Variants in DTD1 observed in about 807,000 individuals in gnomAD.
The protein encoded by DTD1 is D-aminoacyl-tRNA deacylase 1.
DTD1 carries 13 observed loss-of-function variants against 25.6 expected under a neutral mutation model. The observed-to-expected ratio is 0.51, with a 90% CI of 0.33 to 0.81. The LOEUF (loss-of-function observed/expected upper bound fraction) is 0.81. Ranked by LOEUF, DTD1 falls within the 30% of genes least tolerant of loss-of-function variation. DTD1 has a pLI of 0.02. For missense variants in DTD1, 193 were observed against 266.4 expected (o/e 0.72, Z 1.92); for synonymous variants, 110 against 103.6 (o/e 1.06, Z -0.37).
chr20:18,676,288 C>A (rs901107355), intron 4 of DTD1, among the ~76,000 whole-genome samples: 1 of 152,116 alleles, frequency 6.6e-6, no homozygotes, highest in Non-Finnish European at 1.5e-5. Context: ...TGCAGGTGCC[C>A]CTTCCCCACC....
chr20:18,753,522 C>T (rs924591761), intron 5 of DTD1, among the ~76,000 whole-genome samples: 4 of 145,072 alleles, frequency 2.8e-5, no homozygotes, highest in Non-Finnish European at 4.5e-5. Context: ...ACAGGAGAAT[C>T]GCTTGAACCA....
intron 4 of DTD1, among the ~76,000 whole-genome samples, chr20:18,714,121 G>T (rs1309401489): frequency 6.6e-6 from 1 of 152,200 alleles, no homozygotes. Flanking sequence ...TAGAGTCAAA[G>T]GAAAGGCAGG....
intron 4 of DTD1, among the ~76,000 whole-genome samples, chr20:18,696,665 C>T (rs1393645012): frequency 6.6e-6 from 1 of 152,018 alleles, no homozygotes; most frequent in Non-Finnish European, 1.5e-5. Context: ...AGTGATTCTC[C>T]TTCCTCAGCC....
rs551350825 is a variant in DTD1 at position 18,659,204 on chromosome 20, T to C, written c.477+30971T>C. Among the ~76,000 whole-genome samples the C allele has an allele frequency of 1.4e-4, 22 of 152,334 alleles. No homozygotes were observed. In the South Asian group the frequency reaches 3.5e-3, roughly 24 times the overall value. On this transcript the variant is annotated intron_variant, in intron 4 of 5. Transcript: ENST00000377452. Reference sequence around the variant, plus strand: ...GAAAAGTGAAACAGACATCTTTTCTTTCTGGGACGTAGTCTGATGGATGCA... The same window carrying C: ...GAAAAGTGAAACAGACATCTTTTCTCTCTGGGACGTAGTCTGATGGATGCA...
chr20:18,607,827 T>C (rs1445422923), intron 3 of DTD1, among the ~76,000 whole-genome samples: 1 of 151,904 alleles, frequency 6.6e-6, no homozygotes, highest in African/African-American at 2.4e-5. Flanking sequence ...GATTCTCCTG[T>C]CTCAGCCTTT....
intron 4 of DTD1, among the ~76,000 whole-genome samples, chr20:18,720,820 T>A (rs2061199916): frequency 6.6e-6 from 1 of 152,022 alleles, no homozygotes; most frequent in Non-Finnish European, 1.5e-5. Flanking sequence ...ATCAAACCAC[T>A]GCACTCCAGC....
intron 5 of DTD1, among the ~76,000 whole-genome samples, chr20:18,747,843 C>G (rs1357296082): frequency 4.2e-5 from 5 of 120,124 alleles, no homozygotes; most frequent in South Asian, 2.8e-4. Flanking sequence ...AACTCCGTCT[C>G]TATAAAAAAT....
chr20:18,709,444 A>G (rs2061149616), intron 4 of DTD1, among the ~76,000 whole-genome samples: 1 of 151,886 alleles, frequency 6.6e-6, no homozygotes, highest in Non-Finnish European at 1.5e-5. Context: ...ACCTCCTTCC[A>G]TTTCTTTCTG....
chr20:18,718,831 A>G lies in DTD1; in HGVS notation c.478-25269A>G, dbSNP rs147644956. Among the ~76,000 whole-genome samples the G allele has an allele frequency of 5.8e-3, 885 of 152,186 alleles. 1 individual carries two copies. Among genetic ancestry groups the G allele is most frequent in the Middle Eastern group, 0.031 (9 of 294 alleles). On this transcript the variant is annotated intron_variant, in intron 4 of 5. Coordinates refer to ENST00000377452, the MANE Select transcript of DTD1 (RefSeq NM_080820.6). ...ACTTATTTTATGTTCCCTTTGGCCCACATAAGAATCCAGAGTTAGGCATGT... is the reference window on the plus strand; with the variant it reads ...ACTTATTTTATGTTCCCTTTGGCCCGCATAAGAATCCAGAGTTAGGCATGT...
intron 4 of DTD1, among the ~76,000 whole-genome samples, chr20:18,699,384 G>C (rs1236934423): frequency 6.6e-6 from 1 of 152,150 alleles, no homozygotes; most frequent in African/African-American, 2.4e-5. Context: ...CAGAGAAGTG[G>C]GAGATGTGGA....
chr20:18,667,548 G>C (rs1034883842), intron 4 of DTD1, among the ~76,000 whole-genome samples: 4 of 144,560 alleles, frequency 2.8e-5, no homozygotes, highest in African/African-American at 9.9e-5. Flanking sequence ...GAGGGCGTGT[G>C]TCCCTTGAAG....
chr20:18,698,972 G>A (rs765423408), intron 4 of DTD1, among the ~76,000 whole-genome samples: 40 of 152,204 alleles, frequency 2.6e-4, no homozygotes, highest in Non-Finnish European at 5.0e-4. Flanking sequence ...CACCCTCCAC[G>A]TCTGTGTCCA....
intron 4 of DTD1, among the ~76,000 whole-genome samples, chr20:18,640,906 C>T (rs1453342146): frequency 6.6e-6 from 1 of 152,194 alleles, no homozygotes; most frequent in Non-Finnish European, 1.5e-5. Flanking sequence ...GCTGGGATTA[C>T]AGGTGTGAGC....
intron 4 of DTD1, among the ~76,000 whole-genome samples, chr20:18,732,358 C>G (rs6045573): frequency 6.6e-6 from 1 of 152,010 alleles, no homozygotes; most frequent in Admixed American, 6.5e-5. Flanking sequence ...TGATTATTAA[C>G]CAGACATGTG....
At chr20:18,638,795 G>A (rs2060818150) in intron 4 of DTD1, among the ~76,000 whole-genome samples, 1 of 152,116 alleles carries the variant, frequency 6.6e-6, no homozygotes, top group Non-Finnish European at 1.5e-5. Context: ...CAGGATCGGG[G>A]GATGTGTGGC....
intron 4 of DTD1, among the ~76,000 whole-genome samples, chr20:18,712,128 G>C (rs919795315): frequency 2.6e-5 from 4 of 151,696 alleles, no homozygotes; most frequent in Non-Finnish European, 5.9e-5. Context: ...ACTCCATTCT[G>C]CATGGGTTTT....
chr20:18,657,226 C>G (rs777376910), intron 4 of DTD1, among the ~76,000 whole-genome samples: 2 of 152,160 alleles, frequency 1.3e-5, no homozygotes, highest in African/African-American at 2.4e-5. Context: ...GAGCAGGATG[C>G]GCTGAGAGTG....
chr20:18,594,328 G>T (rs1210802631), intron 2 of DTD1, among the ~76,000 whole-genome samples: 1 of 152,144 alleles, frequency 6.6e-6, no homozygotes, highest in Non-Finnish European at 1.5e-5. Context: ...TTACTAAGGT[G>T]GTGGCGGGGG....
At chr20:18,627,528 A>G (rs1466590157) in intron 3 of DTD1, among the ~76,000 whole-genome samples, 2 of 152,078 alleles carry the variant, frequency 1.3e-5, no homozygotes, top group African/African-American at 2.4e-5. Flanking sequence ...TTTCTTGCCA[A>G]ATCTGTTGGG....
Sources: allele counts gnomAD v4.1 joint callset (sites outside exome capture counted in the v4.1 genomes callset), GRCh38; gene constraint gnomAD v4.1.1; transcripts MANE v1.5; gene names NCBI Gene and HGNC (gene_info 2026-07-23, HGNC 2026-07-21).